The following RBFOX1 variants were observed in gnomAD, a reference collection of about 807,000 sequenced individuals.
RBFOX1 encodes RNA binding protein fox-1 homolog 1.
In RBFOX1, 8 loss-of-function variants were observed where a neutral mutation model predicts 57.7. The ratio of observed to expected loss-of-function variants is 0.14; its 90% CI spans 0.08 to 0.25. RBFOX1 has a LOEUF of 0.25. Ranked by LOEUF, RBFOX1 falls within the 10% of genes least tolerant of loss-of-function variation. The pLI is 1.00. For missense variants in RBFOX1, 611 were observed against 548.5 expected (o/e 1.11, Z -1.14); for synonymous variants, 326 against 222.4 (o/e 1.47, Z -4.15).
At chr16:6,837,645 C>G (rs1010622540) in intron 3 of RBFOX1, among the ~76,000 whole-genome samples, 1 of 152,180 alleles carries the variant, frequency 6.6e-6, no homozygotes, top group African/African-American at 2.4e-5. Flanking sequence ...AAGCCTCACT[C>G]CCTCATTGAA....
chr16:6,802,010 G>A (rs1160914507), intron 3 of RBFOX1, among the ~76,000 whole-genome samples: 1 of 152,070 alleles, frequency 6.6e-6, no homozygotes, highest in Non-Finnish European at 1.5e-5. Flanking sequence ...GGAGGTTGGG[G>A]GAGTTCTTTT....
intron 4 of RBFOX1, among the ~76,000 whole-genome samples, chr16:7,218,645 T>TGTGC (rs2092457732): frequency 6.7e-6 from 1 of 148,950 alleles, no homozygotes; most frequent in African/African-American, 2.5e-5. Context: ...TGTGTGTGTG[T>TGTGC]GTGTGTGTGT....
chr16:6,182,646 G>A (rs1245573989), intron 1 of RBFOX1, among the ~76,000 whole-genome samples: 1 of 151,968 alleles, frequency 6.6e-6, no homozygotes, highest in Non-Finnish European at 1.5e-5. Context: ...ATAACACATT[G>A]TGATTTTAAA....
intron 2 of RBFOX1, among the ~76,000 whole-genome samples, chr16:6,642,280 T>G (rs529217257): frequency 2.0e-5 from 3 of 152,342 alleles, no homozygotes; most frequent in South Asian, 4.1e-4. Flanking sequence ...GCGAAAATTA[T>G]TCACCTCATG....
At chr16:7,372,702 T>C (rs537270910) in intron 4 of RBFOX1, among the ~76,000 whole-genome samples, 2 of 152,118 alleles carry the variant, frequency 1.3e-5, no homozygotes, top group South Asian at 2.1e-4. Context: ...ATTATTATTA[T>C]GGTTATTGAG....
chr16:5,798,560 A>G (rs536988894), intron 3 of RBFOX1, among the ~76,000 whole-genome samples: 168 of 152,322 alleles, frequency 1.1e-3, no homozygotes, highest in Non-Finnish European at 1.4e-3. Flanking sequence ...GGCAGAGGGC[A>G]TCTGCGCTAA....
intron 1 of RBFOX1, among the ~76,000 whole-genome samples, chr16:5,286,172 G>C (rs200446347): frequency 1.3e-5 from 2 of 151,702 alleles, no homozygotes; most frequent in African/African-American, 4.8e-5. Context: ...TGGACCAGGT[G>C]TGTCAATACT....
At chr16:7,022,490 C>G (rs2039602898) in intron 3 of RBFOX1, among the ~76,000 whole-genome samples, 1 of 152,050 alleles carries the variant, frequency 6.6e-6, no homozygotes, top group South Asian at 2.1e-4. Context: ...TGTCGTATTT[C>G]TTTTTCTTTC....
intron 3 of RBFOX1, among the ~76,000 whole-genome samples, chr16:6,957,593 C>G (rs2082140334): frequency 6.6e-6 from 1 of 152,086 alleles, no homozygotes. Flanking sequence ...GTTATGGCAT[C>G]TTTACTGCAA....
chr16:6,846,018 G>A (rs532716934), intron 3 of RBFOX1, among the ~76,000 whole-genome samples: 34 of 152,288 alleles, frequency 2.2e-4, no homozygotes, highest in African/African-American at 7.7e-4. Flanking sequence ...CTGTGCATCT[G>A]CTTCAGGCCA....
At chr16:6,867,749 A>G (rs1194652844) in intron 3 of RBFOX1, among the ~76,000 whole-genome samples, 1 of 152,156 alleles carries the variant, frequency 6.6e-6, no homozygotes, top group Non-Finnish European at 1.5e-5. Context: ...TTTATCAGTT[A>G]ATGTGTGAAT....
At chr16:7,180,192 A>C (rs1479032155) in intron 4 of RBFOX1, among the ~76,000 whole-genome samples, 2 of 152,212 alleles carry the variant, frequency 1.3e-5, no homozygotes, top group Non-Finnish European at 2.9e-5. Flanking sequence ...TCCAAAGAAC[A>C]GTAGCAATTT....
chr16:6,713,205 G>T (rs1040759274), intron 3 of RBFOX1, among the ~76,000 whole-genome samples: 1 of 151,964 alleles, frequency 6.6e-6, no homozygotes, highest in Admixed American at 6.6e-5. Flanking sequence ...TCCATCTTCT[G>T]CCTAGAGCCA....
chr16:5,700,067 C>T (rs2151479853), intron 3 of RBFOX1, among the ~76,000 whole-genome samples: 1 of 152,270 alleles, frequency 6.6e-6, no homozygotes, highest in East Asian at 1.9e-4. Flanking sequence ...CTCCTGACCT[C>T]ATGATCTGCC....
intron 4 of RBFOX1, among the ~76,000 whole-genome samples, chr16:5,993,945 T>G (rs552626287): frequency 1.3e-5 from 2 of 152,286 alleles, no homozygotes; most frequent in African/African-American, 4.8e-5. Context: ...GGATGCCTTA[T>G]TGGAAGCACT....
At chr16:5,931,677 G>A (rs2059061572) in intron 4 of RBFOX1, among the ~76,000 whole-genome samples, 1 of 152,142 alleles carries the variant, frequency 6.6e-6, no homozygotes, top group Admixed American at 6.5e-5. Flanking sequence ...AGTTTTGTGG[G>A]TCCTGAATCT....
chr16:5,908,237 T>TACATATACATACACACACATATATAC, intron 4 of RBFOX1, among the ~76,000 whole-genome samples: 1 of 148,468 alleles, frequency 6.7e-6, no homozygotes, highest in South Asian at 2.1e-4. Context: ...CACATATATA[T>TACATATACATACACACACATATATAC]ACATATACAT....
At chr16:5,510,652 G>T (rs1232011738) in intron 2 of RBFOX1, among the ~76,000 whole-genome samples, 1 of 152,174 alleles carries the variant, frequency 6.6e-6, no homozygotes, top group Non-Finnish European at 1.5e-5. Context: ...GTTAATAGCA[G>T]GGTTTTCCTT....
intron 1 of RBFOX1, among the ~76,000 whole-genome samples, chr16:5,449,552 G>A (rs1166072534): frequency 6.6e-6 from 1 of 152,050 alleles, no homozygotes; most frequent in Admixed American, 6.6e-5. Flanking sequence ...CATCTATCTG[G>A]CCCCATGCTT....
Sources: allele counts gnomAD v4.1 joint callset (sites outside exome capture counted in the v4.1 genomes callset), GRCh38; gene constraint gnomAD v4.1.1; transcripts MANE v1.5; gene names NCBI Gene and HGNC (gene_info 2026-07-23, HGNC 2026-07-21).